Variants in PPP1R42 observed in about 807,000 individuals in gnomAD.
PPP1R42 encodes the protein leucine rich repeat containing 67.
In PPP1R42, 34 loss-of-function variants were observed where a neutral mutation model predicts 31.0. The observed-to-expected ratio is 1.10, with a 90% CI of 0.83 to 1.46. PPP1R42 has a LOEUF of 1.46. Among genes scored for constraint, PPP1R42 ranks in the 40% most tolerant of loss-of-function variants. The probability of loss-of-function intolerance (pLI) is 0.00; values close to 1 mark genes in which losing one functional copy is unlikely to be tolerated. For synonymous variants in PPP1R42, 103 were observed against 109.8 expected (o/e 0.94, Z 0.39); for missense variants, 268 against 303.0 (o/e 0.88, Z 0.86).
chr8:66,984,017 A>G (rs1179903742), intron 6 of PPP1R42: 11 of 1,065,744 alleles, frequency 1.0e-5, no homozygotes, highest in Admixed American at 5.3e-5. Context: ...CTTTGTCCCA[A>G]TGTCTGCTTG....
intron 7 of PPP1R42, among the ~76,000 whole-genome samples, chr8:66,974,056 T>C (rs916985452): frequency 5.3e-5 from 8 of 152,360 alleles, no homozygotes; most frequent in African/African-American, 1.9e-4. Flanking sequence ...ATAGGAGTAC[T>C]GATGTCTCTT....
chr8:66,998,701 A>G (rs1156664480), intron 5 of PPP1R42, among the ~76,000 whole-genome samples: 1 of 152,236 alleles, frequency 6.6e-6, no homozygotes, highest in East Asian at 1.9e-4. Flanking sequence ...GATGCCTACT[A>G]TCAGGTTAAG....
At chr8:67,023,809 T>C (rs1816296487) in intron 1 of PPP1R42, among the ~76,000 whole-genome samples, 1 of 152,050 alleles carries the variant, frequency 6.6e-6, no homozygotes, top group South Asian at 2.1e-4. Context: ...GCTGTAAGTT[T>C]TTTTTTTTTA....
intron 5 of PPP1R42, among the ~76,000 whole-genome samples, chr8:67,001,835 C>T (rs1815500045): frequency 6.6e-6 from 1 of 152,178 alleles, no homozygotes; most frequent in African/African-American, 2.4e-5. Context: ...TGGTTGCACA[C>T]ATCAGTGATC....
In PPP1R42 at chr8:67,017,681, T is replaced by C. The variant is rs1585683970; in HGVS notation, c.67A>G (p.Ile23Val). The C allele has an allele frequency of 6.2e-7, 1 of 1,602,748 alleles. No homozygotes were observed. Among genetic ancestry groups the C allele is most frequent in the Non-Finnish European group, 8.5e-7 (1 of 1,174,846 alleles). ...GTTATTTTCTTCAGGCACTGTGAAA[T>C]GGTTTCTTCTTTTCGGGGTTTAAGA... is the stretch of plus-strand genomic sequence containing the variant. The part of the protein sequence containing the change: ...SNLKPRKEET[I>V]SQCLKKITHI... The change falls in exon 2 of 8, where the codon ATT (isoleucine) becomes GTT (valine). Residue 23 changes from isoleucine to valine, a missense_variant. Physicochemically the swap from Ile to Val is conservative, Grantham distance 29 (BLOSUM62 3). Coordinates refer to ENST00000685739, the MANE Select transcript of PPP1R42 (RefSeq NM_001364910.1).
chr8:67,017,515 A>C (rs1816052417), intron 2 of PPP1R42, 104 bp downstream of exon 2: 2 of 618,774 alleles, frequency 3.2e-6, no homozygotes, highest in South Asian at 9.2e-5. Context: ...AAAGTTAATA[A>C]GAATAATGAA....
intron 6 of PPP1R42, among the ~76,000 whole-genome samples, chr8:66,982,610 C>T (rs934542562): frequency 5.9e-5 from 9 of 152,108 alleles, no homozygotes; most frequent in African/African-American, 2.2e-4. Flanking sequence ...GTGTGCACCA[C>T]CATCCCCAGC....
intron 7 of PPP1R42, among the ~76,000 whole-genome samples, chr8:66,968,812 A>G (rs928797901): frequency 3.3e-5 from 5 of 152,180 alleles, no homozygotes; most frequent in Non-Finnish European, 7.4e-5. Flanking sequence ...ATACTAAAAC[A>G]ATATTTTGGC....
chr8:67,023,543 C>T (rs948099594), intron 1 of PPP1R42, among the ~76,000 whole-genome samples: 7 of 152,138 alleles, frequency 4.6e-5, no homozygotes, highest in Non-Finnish European at 1.0e-4. Flanking sequence ...GATTTTATAT[C>T]CAGCAACACT....
intron 7 of PPP1R42, among the ~76,000 whole-genome samples, chr8:66,970,467 T>G (rs1304012382): frequency 6.6e-6 from 1 of 152,212 alleles, no homozygotes; most frequent in Non-Finnish European, 1.5e-5. Flanking sequence ...GCAATACCTT[T>G]TTTAAACCAA....
intron 1 of PPP1R42, among the ~76,000 whole-genome samples, chr8:67,022,378 A>AAC (rs1435941699): frequency 1.3e-5 from 2 of 152,150 alleles, no homozygotes; most frequent in Admixed American, 1.3e-4. Context: ...AAATTTTTAG[A>AAC]ACACACACAC....
Position 67,010,723 on chromosome 8 carries a change from G to T in PPP1R42, c.544C>A (p.His182Asn). The T allele has an allele frequency of 6.3e-7, 1 of 1,581,048 alleles. No individual in the cohort carries two copies. Among genetic ancestry groups the T allele is most frequent in the Non-Finnish European group, 8.6e-7 (1 of 1,158,370 alleles). Residue 182 changes from histidine to asparagine, a missense_variant, in exon 5 of 8, where the codon CAT becomes AAT. By Grantham distance (68) the His-to-Asn change is moderately conservative. Transcript: ENST00000685739. ...ATTTCTCTTTACACTACCTTCACAT[G>T]CAGAAGTTGGTTGTCAACGGCTATG... ...QLIAVDNQLL[H>N]VKDLEFLLNK...
At chr8:66,966,363 A>G (rs1035455765) in intron 7 of PPP1R42, among the ~76,000 whole-genome samples, 1 of 152,320 alleles carries the variant, frequency 6.6e-6, no homozygotes, top group Admixed American at 6.5e-5. Flanking sequence ...AGCTGTGTTC[A>G]AGTCCTAGCC....
intron 3 of PPP1R42, among the ~76,000 whole-genome samples, chr8:67,013,634 C>T (rs1239252716): frequency 6.6e-6 from 1 of 152,100 alleles, no homozygotes; most frequent in African/African-American, 2.4e-5. Flanking sequence ...GTGGGAAGAT[C>T]ACTTGGACCT....
intron 2 of PPP1R42, 48 bp from the exon 3 acceptor site, chr8:67,014,640 T>A: frequency 7.3e-7 from 1 of 1,373,438 alleles, no homozygotes; most frequent in Non-Finnish European, 9.9e-7. Flanking sequence ...CCTGAAAACT[T>A]AAAAGTTTGT....
intron 6 of PPP1R42, chr8:66,985,283 C>T (rs1169010445): frequency 1.1e-6 from 1 of 926,676 alleles, no homozygotes; most frequent in Non-Finnish European, 1.8e-6. Context: ...ACAGTGGAGA[C>T]TCGGGGTCAA....
At chr8:67,013,170 T>G in intron 3 of PPP1R42, 74 bp from the exon 4 acceptor site, 1 of 1,249,874 alleles carries the variant, frequency 8.0e-7, no homozygotes, top group Non-Finnish European at 1.1e-6. Context: ...GACAAAAGTG[T>G]AATAACAAAA....
chr8:67,007,565 T>C (rs968594283), intron 5 of PPP1R42, among the ~76,000 whole-genome samples: 1 of 152,176 alleles, frequency 6.6e-6, no homozygotes, highest in Non-Finnish European at 1.5e-5. Context: ...CAGGGTGATC[T>C]TGAACTCCTG....
intron 5 of PPP1R42, among the ~76,000 whole-genome samples, chr8:66,992,793 TAAAG>T (rs1440573431): frequency 6.6e-6 from 1 of 152,170 alleles, no homozygotes; most frequent in Non-Finnish European, 1.5e-5. Flanking sequence ...TCTGTTACCC[TAAAG>T]AAAGAGAGGT....
Sources: allele counts gnomAD v4.1 joint callset (sites outside exome capture counted in the v4.1 genomes callset), GRCh38; gene constraint gnomAD v4.1.1; transcripts MANE v1.5; gene names NCBI Gene and HGNC (gene_info 2026-07-23, HGNC 2026-07-21).